ASPSCR1: variants seen among roughly 807,000 people sequenced by gnomAD.
ASPSCR1 encodes tether containing UBX domain for GLUT4.
In ASPSCR1, 55 loss-of-function variants were observed where a neutral mutation model predicts 68.9. The observed-to-expected ratio is 0.80, with a 90% CI of 0.64 to 1.00. ASPSCR1 has a LOEUF of 1.00. ASPSCR1 is among the 50% of genes least tolerant of loss of function. ASPSCR1 has a pLI of 0.00. For synonymous variants in ASPSCR1, 352 were observed against 332.6 expected (o/e 1.06, Z -0.63); for missense variants, 765 against 762.2 (o/e 1.00, Z -0.04).
intron 5 of ASPSCR1, chr17:81,995,635 T>TGACA (rs2042311678): frequency 2.2e-6 from 1 of 455,250 alleles, no homozygotes; most frequent in Non-Finnish European, 4.0e-6. Context: ...CCCCCGTGGG[T>TGACA]GACAGCACGT....
rs1411968243 is a variant in ASPSCR1, at chr17:81,986,201, A to G, written c.374+594A>G. Among the ~76,000 whole-genome samples, 1 of 152,130 alleles carries G rather than the reference A, an allele frequency of 6.6e-6. No homozygotes were observed. The highest frequency in any genetic ancestry group is 1.5e-5 in the Non-Finnish European group (1 of 68,040). On this transcript the variant is annotated intron_variant, in intron 4 of 15. Coordinates refer to ENST00000306739, the MANE Select transcript of ASPSCR1 (RefSeq NM_024083.4). This position sits in a 1 kb window ranked among gnomAD's most constrained non-coding sequence, Gnocchi z 5.2. ...CACTTTGGAAGGCCGAGGCTGGCGA[A>G]TCGCTTGAGCTCATGAGTTCAAGAC...
intron 15 of ASPSCR1, 28 bp downstream of exon 15, chr17:82,017,141 G>A (rs1202166812): frequency 1.9e-6 from 3 of 1,570,324 alleles, no homozygotes; most frequent in Non-Finnish European, 2.6e-6. Context: ...AAGGTGGGGT[G>A]CTGTGGCCGG....
intron 12 of ASPSCR1, 45 bp downstream of exon 12, chr17:82,012,328 G>A (rs1200420567): frequency 1.3e-6 from 2 of 1,584,460 alleles, no homozygotes; most frequent in East Asian, 2.2e-5. Flanking sequence ...GGGCCCTCCA[G>A]GGAGGGCAGG....
In ASPSCR1 at chr17:82,016,508, G is replaced by C. The variant is rs2144108805; in HGVS notation, c.1386G>C (p.Leu462Phe). Residue 462 changes from leucine (L) to phenylalanine (F), a missense_variant, in exon 13 of 16, where the codon TTG becomes TTC. Transcript: ENST00000306739. ...TCTTCCCGGCCGCTCTGGTGCACTT[G>C]GGAGCCGAGGAGCCGGCAGGTGAGT... ...ANLFPAALVH[L>F]GAEEPAGVYL... is the part of the protein sequence containing the mutation. 6.5e-7 allele frequency: 1 copy of C among 1,549,276 alleles called. No individual in the cohort carries two copies. Among genetic ancestry groups the C allele is most frequent in the South Asian group, 1.2e-5 (1 of 84,034 alleles).
At position 82,016,456 on chromosome 17, in the gene ASPSCR1, G is replaced by GC. The variant is rs1250614818; in HGVS notation, c.1354-14dup. On this transcript the variant is annotated intron_variant, in intron 12 of 15. Transcript: ENST00000306739. ...TGCTCTGCCCACACCCGGCCCCTGAGCCCCCCGCCCTCCCTGCAGGCGAAC... is the reference window on the plus strand; with the variant it reads ...TGCTCTGCCCACACCCGGCCCCTGAGCCCCCCCGCCCTCCCTGCAGGCGAAC... 3.2e-6 allele frequency: 5 copies of GC among 1,546,018 alleles called. No homozygotes were observed. The highest frequency in any genetic ancestry group is 1.4e-5 in the African/African-American group (1 of 72,962).
chr17:82,011,687 G>A, intron 11 of ASPSCR1, 82 bp downstream of exon 11: 1 of 1,480,740 alleles, frequency 6.8e-7, no homozygotes, highest in Non-Finnish European at 9.2e-7. Flanking sequence ...TCCCAGCTGG[G>A]GCTCGTGGCA....
chr17:81,985,197 C>G (rs2041954822), intron 3 of ASPSCR1, among the ~76,000 whole-genome samples: 1 of 151,110 alleles, frequency 6.6e-6, no homozygotes, highest in African/African-American at 2.4e-5. Flanking sequence ...TGCACACATC[C>G]ACACACATAC....
chr17:81,999,514 C>G lies in ASPSCR1; in HGVS notation c.933+2668C>G, dbSNP rs541476860. Among the ~76,000 whole-genome samples, 1 of 152,074 alleles carries G rather than the reference C, an allele frequency of 6.6e-6. No individual in the cohort carries two copies. The highest frequency in any genetic ancestry group is 1.9e-4 in the East Asian group (1 of 5,176). Reference sequence around the variant, plus strand: ...TGGTGGCAGGTGCCTGTAATCCCAGCTACTCGGGAGACTGAGGCAGGAGAA... The same window carrying G: ...TGGTGGCAGGTGCCTGTAATCCCAGGTACTCGGGAGACTGAGGCAGGAGAA... On this transcript the variant is annotated intron_variant, in intron 7 of 15. Transcript: ENST00000306739. The surrounding 1 kb of genome is among the most constrained non-coding windows in gnomAD (Gnocchi z 4.4).
chr17:81,999,179 G>A lies in ASPSCR1; in HGVS notation c.933+2333G>A, dbSNP rs980997067. Among the ~76,000 whole-genome samples, 5 of 152,246 alleles carry A rather than the reference G, an allele frequency of 3.3e-5. No homozygotes were observed. Among genetic ancestry groups the A allele is most frequent in the African/African-American group, 9.6e-5 (4 of 41,468 alleles). On this transcript the variant is annotated intron_variant, in intron 7 of 15. Coordinates refer to ENST00000306739, the MANE Select transcript of ASPSCR1 (RefSeq NM_024083.4). This position sits in a 1 kb window ranked among gnomAD's most constrained non-coding sequence, Gnocchi z 4.4. ...ATGCGGCTTTCGGTGACAGGGATGG[G>A]AGGAGGCTGTTTCCCAGCCCCTGTG...
In ASPSCR1 at chr17:81,977,785, C is replaced by G. The variant is rs1424516214; in HGVS notation, c.102+37C>G. 3.3e-6 allele frequency: 4 copies of G among 1,204,398 alleles called. No individual in the cohort carries two copies. Among genetic ancestry groups the G allele is most frequent in the African/African-American group, 1.6e-5 (1 of 63,096 alleles). 74.6% of individuals were successfully genotyped at this position (1,204,398 alleles called of 1,614,324 possible). ...CGCCCGGGGCGGACGGGTAGGCGGGCGGGGGGCGCTGCGCCGAGGCCCCGC... is the reference window on the plus strand; with the variant it reads ...CGCCCGGGGCGGACGGGTAGGCGGGGGGGGGGCGCTGCGCCGAGGCCCCGC... On this transcript the variant is annotated intron_variant, in intron 1 of 15. Coordinates refer to ENST00000306739, the MANE Select transcript of ASPSCR1 (RefSeq NM_024083.4). The surrounding 1 kb of genome is among the most constrained non-coding windows in gnomAD (Gnocchi z 5.0).
chr17:81,993,935 G>A (rs893831371), intron 4 of ASPSCR1, among the ~76,000 whole-genome samples: 5 of 152,356 alleles, frequency 3.3e-5, no homozygotes, highest in African/African-American at 1.2e-4. Context: ...CCTCCTCTCG[G>A]ATTCCCCTCC....
Position 82,009,563 on chromosome 17 carries a change from C to T in ASPSCR1, c.1166C>T (p.Pro389Leu). ...ATAAAGGAGAAGCTGGAGCGCTACC[C>T]AAAGGTCTGCAGACAGGATGTGGGG... ...AQIKEKLERYPKVALRVLFPD... is the reference protein window; with the variant it reads ...AQIKEKLERYLKVALRVLFPD... Residue 389 changes from proline (P) to leucine (L), a missense_variant, in exon 9 of 16, where the codon CCA becomes CTA. Physicochemically the swap from Pro to Leu is moderately conservative, Grantham distance 98. Transcript: ENST00000306739. 1 of 1,578,670 alleles carries T rather than the reference C, an allele frequency of 6.3e-7. No individual in the cohort carries two copies. Among genetic ancestry groups the T allele is most frequent in the Non-Finnish European group, 8.6e-7 (1 of 1,162,908 alleles).
At position 82,015,309 on chromosome 17, in the gene ASPSCR1, G is replaced by A. The variant is rs183552212; in HGVS notation, c.1354-1167G>A. 94 of 1,598,140 alleles carry A rather than the reference G, an allele frequency of 5.9e-5. No homozygotes were observed. The East Asian group carries it at 1.4e-3, about 25-fold the overall frequency. On this transcript the variant is annotated intron_variant, in intron 12 of 15. Transcript: ENST00000306739. ...ACCATCCCCTCGTCCGAGCAGTGGC[G>A]ATCCCTCCCGAGTCAAGGCTGGGCA...
chr17:81,993,136 G>A (rs568849874), intron 4 of ASPSCR1, among the ~76,000 whole-genome samples: 1 of 152,188 alleles, frequency 6.6e-6, no homozygotes, highest in South Asian at 2.1e-4. Flanking sequence ...GGCCTGTCCT[G>A]GGTGTGGCAC....
In ASPSCR1 at chr17:81,989,706, T is replaced by C. The variant is rs553841226; in HGVS notation, c.374+4099T>C. ...CGTGTTTGAAACGTTGCAGCTCCACTGCGAGGGTGTCACTGTAGCACGCAG... is the reference window on the plus strand; with the variant it reads ...CGTGTTTGAAACGTTGCAGCTCCACCGCGAGGGTGTCACTGTAGCACGCAG... On this transcript the variant is annotated intron_variant, in intron 4 of 15. Coordinates refer to ENST00000306739, the MANE Select transcript of ASPSCR1 (RefSeq NM_024083.4). Among the ~76,000 whole-genome samples, 32 of 152,336 alleles carry C rather than the reference T, an allele frequency of 2.1e-4. 1 individual carries two copies. In the East Asian group the frequency reaches 5.8e-3, roughly 28 times the overall value.
Position 82,009,520 on chromosome 17 carries a change from GC to G in ASPSCR1, c.1125del (p.Phe376SerfsTer6). On this transcript the variant is annotated frameshift_variant, in exon 9 of 16. Transcript: ENST00000306739. LOFTEE classifies it high-confidence loss of function. ...RLEEAPLVTK[A>X]FREAQIKEKL... Reference sequence around the variant, plus strand: ...GGAAGAAGCCCCCTTGGTGACCAAGGCCTTCAGGGAGGCGCAGATAAAGGAG... The same window carrying G: ...GGAAGAAGCCCCCTTGGTGACCAAGGCTTCAGGGAGGCGCAGATAAAGGAG... 1 of 1,569,568 alleles carries G rather than the reference GC, an allele frequency of 6.4e-7. No homozygotes were observed. The highest frequency in any genetic ancestry group is 8.6e-7 in the Non-Finnish European group (1 of 1,158,962).
chr17:82,014,855 G>A (rs1209296961), intron 12 of ASPSCR1: 14 of 615,278 alleles, frequency 2.3e-5, no homozygotes, highest in Middle Eastern at 4.4e-4. Flanking sequence ...TGTCCTGGGC[G>A]GCAGCTAGGG....
chr17:82,010,089 T>A (rs1567989435), intron 9 of ASPSCR1: 1 of 288,892 alleles, frequency 3.5e-6, no homozygotes, highest in Non-Finnish European at 6.9e-6. Flanking sequence ...TTTTTGTTGT[T>A]TTTTTTTTTT....
chr17:82,010,559 C>T (rs2042902312), intron 9 of ASPSCR1, among the ~76,000 whole-genome samples: 1 of 150,006 alleles, frequency 6.7e-6, no homozygotes, highest in South Asian at 2.1e-4. Flanking sequence ...AAAACCAGCA[C>T]ATTTGAACCC....
Sources: allele counts gnomAD v4.1 joint callset (sites outside exome capture counted in the v4.1 genomes callset), GRCh38; gene constraint gnomAD v4.1.1; non-coding constraint Gnocchi (gnomAD v3.1); transcripts MANE v1.5; gene names NCBI Gene and HGNC (gene_info 2026-07-23, HGNC 2026-07-21).